UTP20: variants seen among roughly 807,000 people sequenced by gnomAD.
The protein encoded by UTP20 is UTP20 small subunit processome component.
Under a neutral mutation model 329.5 loss-of-function variants are expected in UTP20, and 164 were observed. That is an observed-to-expected ratio of 0.50 (90% CI 0.44 to 0.57). The LOEUF (loss-of-function observed/expected upper bound fraction) is 0.57, where lower values mean the gene tolerates loss of function less well. Among genes scored for constraint, UTP20 ranks in the 20% least tolerant of loss-of-function variants. The pLI, the probability that UTP20 is intolerant of heterozygous loss-of-function variation, is 0.00. For missense variants in UTP20, 3,055 were observed against 3,284.2 expected, an observed-to-expected ratio of 0.93 and a Z score of 1.71; for synonymous variants, 1,151 against 1,159.3, an observed-to-expected ratio of 0.99 and a Z score of 0.14.
At chr12:101,380,039 C>T (rs945752270) in intron 57 of UTP20, among the ~76,000 whole-genome samples, 1 of 152,078 alleles carries the variant, frequency 6.6e-6, no homozygotes, top group African/African-American at 2.4e-5. Context: ...GTCTTGCCTC[C>T]TAATAACCTT....
At chr12:101,354,361 A>G (rs925946282) in intron 40 of UTP20, among the ~76,000 whole-genome samples, 9 of 152,118 alleles carry the variant, frequency 5.9e-5, no homozygotes, top group Non-Finnish European at 7.3e-5. Flanking sequence ...AGTTTTACCA[A>G]ACATTCAAGG....
intron 27 of UTP20, among the ~76,000 whole-genome samples, chr12:101,331,982 C>T (rs1052175163): frequency 2.6e-5 from 4 of 151,732 alleles, no homozygotes. Context: ...TCTTTAATAC[C>T]CAGTAGAAAT....
At chr12:101,295,900 A>T (rs1402858545) in intron 12 of UTP20, among the ~76,000 whole-genome samples, 1 of 152,206 alleles carries the variant, frequency 6.6e-6, no homozygotes, top group Non-Finnish European at 1.5e-5. Context: ...GAAACTTGTT[A>T]ACTTTGTTTA....
Position 101,356,544 on chromosome 12 carries a change from T to G in UTP20, c.5395-10T>G. 6.3e-7 allele frequency: 1 copy of G among 1,599,784 alleles called. No individual in the cohort carries two copies. On this transcript the variant is annotated splice_polypyrimidine_tract_variant and intron_variant, in intron 41 of 61. Coordinates refer to ENST00000261637, the MANE Select transcript of UTP20 (RefSeq NM_014503.3). Reference sequence around the variant, plus strand: ...TTTTCATTTTAGCTTAACCTAAATTTTTCTTACAGACTAAAAGGGAAGAAG... The same window carrying G: ...TTTTCATTTTAGCTTAACCTAAATTGTTCTTACAGACTAAAAGGGAAGAAG...
chr12:101,332,276 G>A (rs888780243), intron 27 of UTP20, among the ~76,000 whole-genome samples: 2 of 152,220 alleles, frequency 1.3e-5, no homozygotes, highest in Non-Finnish European at 1.5e-5. Context: ...GGTGGAGGTT[G>A]CGGTGAGCCC....
chr12:101,292,592 C>T (rs1003130005), intron 10 of UTP20, among the ~76,000 whole-genome samples: 1 of 152,020 alleles, frequency 6.6e-6, no homozygotes, highest in Non-Finnish European at 1.5e-5. Context: ...TTGGGATAGT[C>T]CTTGAAGGTT....
At chr12:101,385,097 CAAAAAA>C (rs35335261) in intron 60 of UTP20, among the ~76,000 whole-genome samples, 1 of 114,116 alleles carries the variant, frequency 8.8e-6, no homozygotes, top group Non-Finnish European at 1.8e-5. Context: ...ACTCCCCCGC[CAAAAAA>C]AAAAAAAAAA....
At chr12:101,352,913 CTAA>C in intron 39 of UTP20, 131 bp from the exon 40 acceptor site, 1 of 412,174 alleles carries the variant, frequency 2.4e-6, no homozygotes, top group Non-Finnish European at 4.3e-6. Flanking sequence ...TAAGGTTATG[CTAA>C]TACTTGTTAA....
At chr12:101,365,221 A>C (rs1380458360) in intron 45 of UTP20, among the ~76,000 whole-genome samples, 1 of 151,996 alleles carries the variant, frequency 6.6e-6, no homozygotes, top group Non-Finnish European at 1.5e-5. Context: ...ACAGGGAGGG[A>C]GTGGAGGAAA....
intron 11 of UTP20, 49 bp downstream of exon 11, chr12:101,293,294 G>GA (rs757362779): frequency 1.0e-5 from 16 of 1,537,694 alleles, no homozygotes; most frequent in African/African-American, 8.2e-5. Context: ...AATCTGTCAG[G>GA]AAAAAACGAT....
Position 101,290,902 on chromosome 12 carries a change from T to C in UTP20, c.891+14T>C. On this transcript the variant is annotated intron_variant, in intron 8 of 61. Coordinates refer to ENST00000261637, the MANE Select transcript of UTP20 (RefSeq NM_014503.3). The stretch of plus-strand genomic sequence containing the variant: ...GAATGTTTGCAAGTGAGTTCTAATC[T>C]TTAAGGATGGGTTTTTGATAAGGAG... 1 of 1,602,882 alleles carries C rather than the reference T, an allele frequency of 6.2e-7. No individual in the cohort carries two copies. Among genetic ancestry groups the C allele is most frequent in the Non-Finnish European group, 8.5e-7 (1 of 1,176,238 alleles).
rs1235332298 is a variant in UTP20, at chr12:101,356,636, C to T, written c.5477C>T (p.Ala1826Val). 6.2e-7 allele frequency: 1 copy of T among 1,613,924 alleles called. No homozygotes were observed. Among genetic ancestry groups the T allele is most frequent in the South Asian group, 1.1e-5 (1 of 91,044 alleles). ...GTCGTTCGAGTTCCATTAGCTTTTG[C>T]CATGGTTAAACTAATGCAGTCCCTT... ...EEVVRVPLAF[A>V]MVKLMQSLPQ... Residue 1826 changes from alanine (A) to valine (V), a missense_variant, in exon 42 of 62, where the codon GCC becomes GTC. This residue lies in a region of UTP20 where 2,445 missense variants were observed against 2,575.5 expected (regional missense o/e 0.95). Transcript: ENST00000261637.
Position 101,283,316 on chromosome 12 carries a change from G to A in UTP20, c.126+2120G>A, listed in dbSNP as rs148806938. ...GCTTGTTGATCTTGGTTCTTTTCAT[G>A]GCCTCTTATTCCCCAATAAGCTAGA... On this transcript the variant is annotated intron_variant, in intron 2 of 61. Coordinates refer to ENST00000261637, the MANE Select transcript of UTP20 (RefSeq NM_014503.3). Among the ~76,000 whole-genome samples the A allele has an allele frequency of 2.6e-3, 389 of 152,198 alleles. 2 individuals are homozygous for A. Among genetic ancestry groups the A allele is most frequent in the Admixed American group, 5.8e-3 (88 of 15,296 alleles).
At chr12:101,325,404 C>A (rs1399155321) in intron 25 of UTP20, among the ~76,000 whole-genome samples, 1 of 152,216 alleles carries the variant, frequency 6.6e-6, no homozygotes, top group Non-Finnish European at 1.5e-5. Flanking sequence ...ACTACTAAGA[C>A]ATTATCTTTT....
intron 12 of UTP20, among the ~76,000 whole-genome samples, chr12:101,298,786 C>T (rs775712243): frequency 1.3e-5 from 2 of 151,906 alleles, no homozygotes; most frequent in Admixed American, 6.6e-5. Flanking sequence ...ACTTAGTTAT[C>T]TATCATGATT....
chr12:101,379,566 TTC>T lies in UTP20; in HGVS notation c.7584+13_7584+14del, dbSNP rs1343304959. On this transcript the variant is annotated intron_variant, in intron 57 of 61. Transcript: ENST00000261637. ...AGTGACCTTGACCAAAAGGTAAGCT[TTC>T]TCTCAAACCTTTTCCTTCCCTCGTG... The T allele has an allele frequency of 2.9e-5, 47 of 1,606,222 alleles. No homozygotes were observed. Among genetic ancestry groups the T allele is most frequent in the African/African-American group, 4.0e-5 (3 of 74,546 alleles).
At chr12:101,368,069 C>A in intron 48 of UTP20, 93 bp downstream of exon 48, 1 of 883,502 alleles carries the variant, frequency 1.1e-6, no homozygotes, top group Non-Finnish European at 1.8e-6. Context: ...TGGGCTCAAG[C>A]TTTATGAGAT....
At chr12:101,293,874 T>C (rs375772784) in intron 11 of UTP20, among the ~76,000 whole-genome samples, 3 of 152,192 alleles carry the variant, frequency 2.0e-5, no homozygotes, top group South Asian at 2.1e-4. Flanking sequence ...CCGTGTTCCC[T>C]TTGGTCTTTT....
At chr12:101,368,015 T>A in intron 48 of UTP20, 39 bp downstream of exon 48, 1 of 1,381,118 alleles carries the variant, frequency 7.2e-7, no homozygotes, top group Non-Finnish European at 1.0e-6. Context: ...AGCATTTATT[T>A]CTTCAGAAGA....
Sources: allele counts gnomAD v4.1 joint callset (sites outside exome capture counted in the v4.1 genomes callset), GRCh38; gene constraint gnomAD v4.1.1; regional missense constraint gnomAD v4.1.1; transcripts MANE v1.5; gene names NCBI Gene and HGNC (gene_info 2026-07-23, HGNC 2026-07-21).